Variants in SLC24A2 observed in about 807,000 individuals in gnomAD.
SLC24A2 encodes solute carrier family 24 member 2, also known as sodium/potassium/calcium exchanger 2.
SLC24A2 carries 36 observed loss-of-function variants against 62.0 expected under a neutral mutation model. The observed-to-expected ratio is 0.58, with a 90% CI of 0.44 to 0.77. SLC24A2 has a LOEUF of 0.77. SLC24A2 is among the 30% of genes least tolerant of loss of function. The pLI, the probability that SLC24A2 is intolerant of heterozygous loss-of-function variation, is 0.00. For synonymous variants in SLC24A2, 358 were observed against 294.0 expected (o/e 1.22, Z -2.23); for missense variants, 846 against 817.9 (o/e 1.03, Z -0.42).
At chr9:20,219,583 T>C in the SLC24A2 span, among the ~76,000 whole-genome samples, 2 of 152,314 alleles carry the variant, frequency 1.3e-5, no homozygotes, top group African/African-American at 4.8e-5. Context: ...AGTGCCTTCG[T>C]TGGTAGATTA....
chr9:20,243,180 T>A, the SLC24A2 span, among the ~76,000 whole-genome samples: 1 of 152,170 alleles, frequency 6.6e-6, no homozygotes, highest in Non-Finnish European at 1.5e-5. Flanking sequence ...GCACTTATAT[T>A]CTTTTCACTT....
chr9:20,295,274 T>C, the SLC24A2 span, among the ~76,000 whole-genome samples: 2 of 152,086 alleles, frequency 1.3e-5, no homozygotes, highest in African/African-American at 4.8e-5. Context: ...AGCAGAATCC[T>C]AGGGGAGAGA....
chr9:19,701,066 A>T (rs530903466), intron 2 of SLC24A2, among the ~76,000 whole-genome samples: 1 of 152,332 alleles, frequency 6.6e-6, no homozygotes, highest in African/African-American at 2.4e-5. Context: ...TACTATTTGA[A>T]ATCTGGTCTA....
At chr9:19,590,061 T>C (rs200018964) in intron 5 of SLC24A2, among the ~76,000 whole-genome samples, 2 of 152,156 alleles carry the variant, frequency 1.3e-5, no homozygotes, top group East Asian at 1.9e-4. Context: ...CCTGACCAGC[T>C]AGACTTAAGA....
chr9:19,623,528 A>C (rs1192753446), intron 2 of SLC24A2, among the ~76,000 whole-genome samples: 1 of 152,244 alleles, frequency 6.6e-6, no homozygotes, highest in African/African-American at 2.4e-5. Flanking sequence ...AAAAAATAGA[A>C]GGGATTCTTA....
chr9:19,707,673 A>T (rs527377005), intron 2 of SLC24A2, among the ~76,000 whole-genome samples: 1 of 152,364 alleles, frequency 6.6e-6, no homozygotes, highest in Non-Finnish European at 1.5e-5. Context: ...ATCTCAATAG[A>T]TGCAGAAAAG....
intron 2 of SLC24A2, among the ~76,000 whole-genome samples, chr9:19,701,637 A>G (rs777589265): frequency 2.0e-5 from 3 of 152,208 alleles, no homozygotes; most frequent in Non-Finnish European, 4.4e-5. Context: ...ACAGTACACT[A>G]TTGCTTTGCA....
chr9:19,687,103 G>T (rs1480783000), intron 2 of SLC24A2, among the ~76,000 whole-genome samples: 1 of 151,916 alleles, frequency 6.6e-6, no homozygotes, highest in Non-Finnish European at 1.5e-5. Context: ...ACAAAGAAGG[G>T]AACAATAAAC....
the SLC24A2 span, among the ~76,000 whole-genome samples, chr9:20,300,462 C>G: frequency 6.6e-6 from 1 of 152,078 alleles, no homozygotes; most frequent in East Asian, 1.9e-4. Context: ...CCTGGTATAC[C>G]CATAGACTCT....
chr9:20,009,383 C>CAAAAAA, the SLC24A2 span, among the ~76,000 whole-genome samples: 9 of 112,348 alleles, frequency 8.0e-5, no homozygotes, highest in South Asian at 2.5e-3. Context: ...AACTCTGTCT[C>CAAAAAA]AAAAAAAAAA....
chr9:20,168,404 T>C, the SLC24A2 span, among the ~76,000 whole-genome samples: 1 of 151,856 alleles, frequency 6.6e-6, no homozygotes, highest in Non-Finnish European at 1.5e-5. Flanking sequence ...TATCAGTTTA[T>C]CAAGATAGCA....
chr9:20,044,723 G>C, the SLC24A2 span, among the ~76,000 whole-genome samples: 1 of 152,164 alleles, frequency 6.6e-6, no homozygotes, highest in Non-Finnish European at 1.5e-5. Flanking sequence ...TTCTGCTACA[G>C]TGTTAGAATT....
chr9:19,775,973 T>C (rs896026000), intron 2 of SLC24A2, among the ~76,000 whole-genome samples: 1 of 152,266 alleles, frequency 6.6e-6, no homozygotes, highest in Non-Finnish European at 1.5e-5. Flanking sequence ...GAAATTATTT[T>C]AGAAAGTTGA....
the SLC24A2 span, among the ~76,000 whole-genome samples, chr9:20,227,470 G>A: frequency 2.8e-5 from 4 of 142,510 alleles, no homozygotes; most frequent in South Asian, 8.9e-4. Flanking sequence ...AGAACTAAAA[G>A]CATAATCACA....
At chr9:19,691,105 C>T (rs911148298) in intron 2 of SLC24A2, among the ~76,000 whole-genome samples, 2 of 152,108 alleles carry the variant, frequency 1.3e-5, no homozygotes, top group African/African-American at 4.8e-5. Flanking sequence ...CAATTTTAGT[C>T]CACTGGCAAC....
At chr9:19,721,308 CA>C (rs1321454892) in intron 2 of SLC24A2, among the ~76,000 whole-genome samples, 1 of 152,122 alleles carries the variant, frequency 6.6e-6, no homozygotes, top group Non-Finnish European at 1.5e-5. Context: ...AGCTGGATTT[CA>C]GTTACAGTAA....
At chr9:20,293,967 G>A in the SLC24A2 span, among the ~76,000 whole-genome samples, 2 of 152,224 alleles carry the variant, frequency 1.3e-5, no homozygotes, top group East Asian at 1.9e-4. Context: ...ATGAGGCCCT[G>A]ACTCCCATTC....
intron 7 of SLC24A2, among the ~76,000 whole-genome samples, chr9:19,568,372 T>A (rs1835738862): frequency 6.6e-6 from 1 of 152,160 alleles, no homozygotes; most frequent in South Asian, 2.1e-4. Context: ...CAGAAAGGAC[T>A]CTCAAATCCA....
intron 3 of SLC24A2, 93 bp downstream of exon 3, chr9:19,622,167 AT>A: frequency 1.1e-6 from 1 of 948,770 alleles, no homozygotes; most frequent in Non-Finnish European, 1.7e-6. Flanking sequence ...GGAGAGAGTA[AT>A]GTGTTGAGCA....
Sources: allele counts gnomAD v4.1 joint callset (sites outside exome capture counted in the v4.1 genomes callset), GRCh38; gene constraint gnomAD v4.1.1; transcripts MANE v1.5; gene names NCBI Gene and HGNC (gene_info 2026-07-23, HGNC 2026-07-21).